Variants in CLASP2 observed in about 807,000 individuals in gnomAD.
CLASP2 encodes the protein CLIP-associating protein 2.
A neutral mutation model predicts 194.4 loss-of-function variants in CLASP2; 47 were observed. That is an observed-to-expected ratio of 0.24 (90% CI 0.19 to 0.31). The LOEUF (loss-of-function observed/expected upper bound fraction) is 0.31. Among genes scored for constraint, CLASP2 ranks in the 10% least tolerant of loss-of-function variants. The pLI, the probability that CLASP2 is intolerant of heterozygous loss-of-function variation, is 1.00. For synonymous variants in CLASP2, 619 were observed against 633.5 expected (o/e 0.98, Z 0.34); for missense variants, 1,445 against 1,823.6 (o/e 0.79, Z 3.78).
At chr3:33,690,683 CA>C (rs1321323217) in intron 2 of CLASP2, among the ~76,000 whole-genome samples, 2 of 152,138 alleles carry the variant, frequency 1.3e-5, no homozygotes, top group Non-Finnish European at 2.9e-5. Flanking sequence ...ATAAACAACT[CA>C]TAAGTTTTAA....
At chr3:33,677,304 C>A (rs1490306535) in intron 6 of CLASP2, among the ~76,000 whole-genome samples, 17 of 151,272 alleles carry the variant, frequency 1.1e-4, no homozygotes, top group Non-Finnish European at 1.9e-4. Flanking sequence ...GGAACCAACC[C>A]AAATGTCCAA....
chr3:33,599,682 C>T (rs2071478948), intron 18 of CLASP2, among the ~76,000 whole-genome samples: 1 of 151,976 alleles, frequency 6.6e-6, no homozygotes, highest in Non-Finnish European at 1.5e-5. Flanking sequence ...ACATGTATAG[C>T]CATAAGTGAG....
chr3:33,501,523 A>C (rs2046848323), intron 38 of CLASP2, 129 bp downstream of exon 38: 1 of 584,494 alleles, frequency 1.7e-6, no homozygotes, highest in African/African-American at 1.9e-5. Flanking sequence ...AGAAATAATA[A>C]GGGCAAGTTG....
intron 34 of CLASP2, 38 bp from the exon 35 acceptor site, chr3:33,517,212 A>G: frequency 2.7e-6 from 4 of 1,504,104 alleles, no homozygotes; most frequent in Non-Finnish European, 3.6e-6. Flanking sequence ...ATAACTTTAT[A>G]GGGTGACTCT....
chr3:33,648,650 T>C (rs562858814), intron 7 of CLASP2, among the ~76,000 whole-genome samples: 9 of 152,358 alleles, frequency 5.9e-5, no homozygotes, highest in African/African-American at 2.2e-4. Context: ...TTTAAAATTT[T>C]TGTTAAACAT....
At chr3:33,564,366 C>A (rs1423149328) in intron 27 of CLASP2, among the ~76,000 whole-genome samples, 1 of 152,160 alleles carries the variant, frequency 6.6e-6, no homozygotes, top group Non-Finnish European at 1.5e-5. Context: ...TCTCCCACTT[C>A]TTTTTCTGGA....
Position 33,496,940 on chromosome 3 carries a change from T to C in CLASP2, c.*1691A>G, listed in dbSNP as rs1299785038. On this transcript the variant is annotated 3_prime_UTR_variant, in exon 39 of 39. Coordinates refer to ENST00000682230, the MANE Select transcript of CLASP2 (RefSeq NM_001365631.1). ...GATACAAGACCGTCTAAAGTTAAAA[T>C]AAAACTGAGTGACTTGTTACACAGT... 2 of 152,600 alleles carry C rather than the reference T, an allele frequency of 1.3e-5. No homozygotes were observed. Among genetic ancestry groups the C allele is most frequent in the Non-Finnish European group, 2.9e-5 (2 of 67,998 alleles). The allele number at this position is 152,600 out of a possible 1,614,324, so 9.5% of individuals were successfully genotyped here.
At chr3:33,579,069 C>T (rs972794871) in intron 23 of CLASP2, among the ~76,000 whole-genome samples, 1 of 152,168 alleles carries the variant, frequency 6.6e-6, no homozygotes, top group African/African-American at 2.4e-5. Flanking sequence ...TCTGGGAATG[C>T]TACCTTTCAT....
intron 32 of CLASP2, 66 bp downstream of exon 32, chr3:33,543,367 T>C (rs2058679407): frequency 8.9e-7 from 1 of 1,122,416 alleles, no homozygotes; most frequent in Non-Finnish European, 1.4e-6. Flanking sequence ...AGCAAGACTC[T>C]GTCTCAAAAA....
chr3:33,611,276 T>C (rs993986944), intron 13 of CLASP2, among the ~76,000 whole-genome samples: 1 of 152,230 alleles, frequency 6.6e-6, no homozygotes, highest in African/African-American at 2.4e-5. Flanking sequence ...CCCTTGTTAC[T>C]GATCCTTGTA....
At chr3:33,703,471 G>A (rs985810982) in intron 1 of CLASP2, among the ~76,000 whole-genome samples, 8 of 152,200 alleles carry the variant, frequency 5.3e-5, no homozygotes, top group South Asian at 2.1e-4. Flanking sequence ...CAAAGGTAGG[G>A]AGAGAGAGGA....
At chr3:33,680,944 G>T (rs1431469719) in intron 6 of CLASP2, among the ~76,000 whole-genome samples, 1 of 151,880 alleles carries the variant, frequency 6.6e-6, no homozygotes, top group Non-Finnish European at 1.5e-5. Flanking sequence ...GACCAACATG[G>T]CGAAACCCCG....
At chr3:33,717,772 G>A (rs2093365471) in intron 1 of CLASP2, 36 bp downstream of exon 1, 2 of 1,545,454 alleles carry the variant, frequency 1.3e-6, no homozygotes, top group Non-Finnish European at 1.7e-6. Flanking sequence ...CTGCCGCGGA[G>A]GGCGTGACCA....
At chr3:33,705,731 A>C (rs892099329) in intron 1 of CLASP2, among the ~76,000 whole-genome samples, 2 of 152,212 alleles carry the variant, frequency 1.3e-5, no homozygotes, top group African/African-American at 4.8e-5. Context: ...ACTACAAGAG[A>C]CTGGAAACTA....
intron 34 of CLASP2, among the ~76,000 whole-genome samples, chr3:33,534,323 A>T (rs1388560921): frequency 6.6e-6 from 1 of 152,152 alleles, no homozygotes; most frequent in Non-Finnish European, 1.5e-5. Flanking sequence ...GCACTTTGAG[A>T]GGTTGAGGTG....
At chr3:33,606,505 A>C in intron 16 of CLASP2, 86 bp downstream of exon 16, 1 of 1,068,728 alleles carries the variant, frequency 9.4e-7, no homozygotes, top group East Asian at 2.4e-5. Flanking sequence ...AGGTGAAAGC[A>C]AACAGATATT....
At chr3:33,690,145 TA>T (rs1182435248) in intron 2 of CLASP2, among the ~76,000 whole-genome samples, 1 of 152,090 alleles carries the variant, frequency 6.6e-6, no homozygotes, top group Non-Finnish European at 1.5e-5. Context: ...ATAATAATGT[TA>T]AAAAAACAGC....
intron 30 of CLASP2, chr3:33,545,139 G>T: frequency 5.3e-6 from 1 of 187,998 alleles, no homozygotes. Context: ...TACTACTACA[G>T]TATTTTAGTT....
At chr3:33,526,068 C>T (rs1470274955) in intron 34 of CLASP2, among the ~76,000 whole-genome samples, 4 of 151,884 alleles carry the variant, frequency 2.6e-5, no homozygotes, top group African/African-American at 7.2e-5. Context: ...CAGGCTGCTG[C>T]TGCTGCTTCT....
Sources: allele counts gnomAD v4.1 joint callset (sites outside exome capture counted in the v4.1 genomes callset), GRCh38; gene constraint gnomAD v4.1.1; transcripts MANE v1.5; gene names NCBI Gene and HGNC (gene_info 2026-07-23, HGNC 2026-07-21).